Variants in COL5A1 observed in about 807,000 individuals in gnomAD.
The protein encoded by COL5A1 is collagen type V alpha 1 chain, also known as collagen alpha-1(V) chain.
COL5A1 carries 16 observed loss-of-function variants against 263.7 expected under a neutral mutation model. That is an observed-to-expected ratio of 0.06 (90% CI 0.04 to 0.09). The LOEUF (loss-of-function observed/expected upper bound fraction) is 0.09, where lower values mean the gene tolerates loss of function less well. Among genes scored for constraint, COL5A1 ranks in the 10% least tolerant of loss-of-function variants. COL5A1 has a pLI of 1.00. For synonymous variants in COL5A1, 1,012 were observed against 1,004.5 expected, an observed-to-expected ratio of 1.01 and a Z score of -0.14; for missense variants, 2,036 against 2,540.5, an observed-to-expected ratio of 0.80 and a Z score of 4.27.
chr9:134,840,145 C>T (rs767668740), intron 65 of COL5A1, among the ~76,000 whole-genome samples: 14 of 152,256 alleles, frequency 9.2e-5, no homozygotes, highest in Non-Finnish European at 1.6e-4. Context: ...CCCAGCCAGA[C>T]GGAGTCAGCC....
In COL5A1 at chr9:134,686,361, C is replaced by T. The variant is rs1486821536; in HGVS notation, c.110-4551C>T. Among the ~76,000 whole-genome samples, 1 of 152,130 alleles carries T rather than the reference C, an allele frequency of 6.6e-6. No individual in the cohort carries two copies. Among genetic ancestry groups the T allele is most frequent in the African/African-American group, 2.4e-5 (1 of 41,418 alleles). On this transcript the variant is annotated intron_variant, in intron 1 of 65. Coordinates refer to ENST00000371817, the MANE Select transcript of COL5A1 (RefSeq NM_000093.5). The surrounding 1 kb of genome is among the most constrained non-coding windows in gnomAD (Gnocchi z 4.6). The stretch of plus-strand genomic sequence containing the variant: ...CTCCACCACCCAGGGTCAAACGAGC[C>T]TCACACCTCAGCCCCTCAGTAGCTG...
Position 134,789,064 on chromosome 9 carries a change from C to A in COL5A1, c.2647-91C>A, listed in dbSNP as rs1837577442. 1 of 1,119,332 alleles carries A rather than the reference C, an allele frequency of 8.9e-7. No individual in the cohort carries two copies. Among genetic ancestry groups the A allele is most frequent in the Admixed American group, 1.8e-5 (1 of 54,120 alleles). 69.3% of individuals were successfully genotyped at this position (1,119,332 alleles called of 1,614,324 possible). A position where few individuals can be genotyped will look rare whatever the true frequency, so the allele number is the denominator to read the frequency against. On this transcript the variant is annotated intron_variant, in intron 31 of 65. Transcript: ENST00000371817. The surrounding 1 kb of genome is among the most constrained non-coding windows in gnomAD (Gnocchi z 4.8). Reference sequence around the variant, plus strand: ...GGTGGAGTCTGGGGCAGAGGCTGTGCACTGGCATGCAGGTGGTCCCCCAGG... The same window carrying A: ...GGTGGAGTCTGGGGCAGAGGCTGTGAACTGGCATGCAGGTGGTCCCCCAGG...
At chr9:134,808,954 T>C (rs1479722899) in intron 42 of COL5A1, 1 of 592,630 alleles carries the variant, frequency 1.7e-6, no homozygotes, top group East Asian at 2.8e-5. Context: ...CAGCCTTTCC[T>C]AGGATGAGTG....
rs535186026 is a variant in COL5A1, at chr9:134,820,470, C to G, written c.4554+247C>G. On this transcript the variant is annotated intron_variant, in intron 58 of 65. Coordinates refer to ENST00000371817, the MANE Select transcript of COL5A1 (RefSeq NM_000093.5). ...GCAGGCGGGGCTTCCTCCTCATGAC[C>G]GTGGTGTCCCCCAGAGCTGGAGGGA... Among the ~76,000 whole-genome samples, 467 of 152,298 alleles carry G rather than the reference C, an allele frequency of 3.1e-3. 6 individuals are homozygous for G. The highest frequency in any genetic ancestry group is 0.011 in the African/African-American group (457 of 41,568).
intron 4 of COL5A1, among the ~76,000 whole-genome samples, chr9:134,721,330 A>G (rs1024269918): frequency 6.8e-6 from 1 of 147,168 alleles, no homozygotes; most frequent in African/African-American, 2.5e-5. Context: ...CCACCCTGTA[A>G]CCTCCCCATA....
At chr9:134,759,977 ACACATG>A (rs1836246621) in intron 18 of COL5A1, among the ~76,000 whole-genome samples, 1 of 112,456 alleles carries the variant, frequency 8.9e-6, no homozygotes, top group Non-Finnish European at 1.7e-5. Flanking sequence ...ACACATGCAC[ACACATG>A]CACACCCACA....
Position 134,641,957 on chromosome 9 carries a change from C to T in COL5A1, c.-231C>T, listed in dbSNP as rs1831301736. ...AGGGCGAGCTAGCCCAGCGGGGTCCCGGCCGCCCCGCGGGCCAAAGTCGAG... is the reference window on the plus strand; with the variant it reads ...AGGGCGAGCTAGCCCAGCGGGGTCCTGGCCGCCCCGCGGGCCAAAGTCGAG... On this transcript the variant is annotated 5_prime_UTR_variant, in exon 1 of 66. Transcript: ENST00000371817. The T allele has an allele frequency of 5.1e-6, 2 of 393,652 alleles. No homozygotes were observed. The highest frequency in any genetic ancestry group is 3.6e-5 in the East Asian group (1 of 27,490). The allele number at this position is 393,652 out of a possible 1,614,324, so 24.4% of individuals were successfully genotyped here.
intron 1 of COL5A1, among the ~76,000 whole-genome samples, chr9:134,643,230 G>C (rs1831362278): frequency 6.6e-6 from 1 of 152,014 alleles, no homozygotes; most frequent in African/African-American, 2.4e-5. Flanking sequence ...TGGCGGGGTG[G>C]GTTTTCACAG....
intron 18 of COL5A1, among the ~76,000 whole-genome samples, chr9:134,759,711 C>A (rs1368641062): frequency 1.0e-5 from 1 of 99,966 alleles, no homozygotes. Flanking sequence ...CACATGCACA[C>A]ACCCCCCCAC....
At chr9:134,808,662 G>A (rs1021728083) in intron 42 of COL5A1, among the ~76,000 whole-genome samples, 1 of 152,190 alleles carries the variant, frequency 6.6e-6, no homozygotes, top group Non-Finnish European at 1.5e-5. Flanking sequence ...GTGTACATAG[G>A]CGTGTTCACA....
intron 8 of COL5A1, 108 bp from the exon 9 acceptor site, chr9:134,731,963 A>G: frequency 1.5e-6 from 2 of 1,292,688 alleles, no homozygotes; most frequent in East Asian, 2.3e-5. Context: ...ATGCCCAGCT[A>G]CGATAGTGCC....
chr9:134,721,744 C>T (rs1392500669), intron 4 of COL5A1, among the ~76,000 whole-genome samples: 1 of 152,234 alleles, frequency 6.6e-6, no homozygotes, highest in South Asian at 2.1e-4. Flanking sequence ...GGGGCTGGCC[C>T]GTGGGAGGTT....
At chr9:134,822,874 ACT>A in intron 59 of COL5A1, 122 bp from the exon 60 acceptor site, 2 of 1,085,530 alleles carry the variant, frequency 1.8e-6, no homozygotes, top group Admixed American at 3.7e-5. Flanking sequence ...ACAAGCATAG[ACT>A]CTTGAGGGGG....
rs1833071781 is a variant in COL5A1 at position 134,686,073 on chromosome 9, T to TCTGTGGACGG, written c.110-4838_110-4837insTGTGGACGGC. The stretch of plus-strand genomic sequence containing the variant: ...TATCCACTATCCATCCATTCATCCG[T>TCTGTGGACGG]CCATCCTGCATGTCTGTGTTGAGCT... On this transcript the variant is annotated intron_variant, in intron 1 of 65. Transcript: ENST00000371817. This position sits in a 1 kb window ranked among gnomAD's most constrained non-coding sequence, Gnocchi z 4.6. 6.6e-6 allele frequency among the ~76,000 whole-genome samples: 1 copy of TCTGTGGACGG among 152,240 alleles called. No individual in the cohort carries two copies. The highest frequency in any genetic ancestry group is 1.9e-4 in the East Asian group (1 of 5,200).
intron 34 of COL5A1, among the ~76,000 whole-genome samples, chr9:134,795,627 C>T (rs550677137): frequency 6.6e-6 from 1 of 152,318 alleles, no homozygotes; most frequent in African/African-American, 2.4e-5. Context: ...ACTCACCCGC[C>T]CTGGTCGGGA....
chr9:134,754,033 C>G lies in COL5A1; in HGVS notation c.1773+130C>G, dbSNP rs78092926. 3.3e-6 allele frequency: 3 copies of G among 910,630 alleles called. No homozygotes were observed. The African/African-American group carries it at 4.9e-5, about 15-fold the overall frequency. The allele number at this position is 910,630 out of a possible 1,614,324, so 56.4% of individuals were successfully genotyped here. A position where few individuals can be genotyped will look rare whatever the true frequency, so the allele number is the denominator to read the frequency against. ...ATTCGTGGGAATTGTCCTTGCTTTA[C>G]GCAGTGCTGAGGGTGGAGCACAATG... On this transcript the variant is annotated intron_variant, in intron 15 of 65. Transcript: ENST00000371817. This position sits in a 1 kb window ranked among gnomAD's most constrained non-coding sequence, Gnocchi z 4.3.
intron 32 of COL5A1, among the ~76,000 whole-genome samples, chr9:134,790,349 C>T (rs1400693833): frequency 3.0e-5 from 4 of 132,848 alleles, no homozygotes; most frequent in East Asian, 2.6e-4. Context: ...CACCCACCCA[C>T]CAACCCATCC....
In COL5A1 at chr9:134,841,786, G is replaced by T. The variant is rs1401159897; in HGVS notation, c.5371-371G>T. Among the ~76,000 whole-genome samples the T allele has an allele frequency of 6.6e-6, 1 of 152,130 alleles. No homozygotes were observed. Reference sequence around the variant, plus strand: ...GTAGCTGGCCCTGGGTCCTGGGGAGGCTGCCTGGAAGTGAATACCTGGGGC... The same window carrying T: ...GTAGCTGGCCCTGGGTCCTGGGGAGTCTGCCTGGAAGTGAATACCTGGGGC... On this transcript the variant is annotated intron_variant, in intron 65 of 65. Transcript: ENST00000371817. The surrounding 1 kb of genome is among the most constrained non-coding windows in gnomAD (Gnocchi z 4.8).
Position 134,652,781 on chromosome 9 carries a change from T to A in COL5A1, c.109+10485T>A. Reference sequence around the variant, plus strand: ...CTTAGGCCGGGTCCAGCGTTTCTCCTCATGGTGTAGACCAGCAGTTCCCAA... The same window carrying A: ...CTTAGGCCGGGTCCAGCGTTTCTCCACATGGTGTAGACCAGCAGTTCCCAA... On this transcript the variant is annotated intron_variant, in intron 1 of 65. Coordinates refer to ENST00000371817, the MANE Select transcript of COL5A1 (RefSeq NM_000093.5). This position sits in a 1 kb window ranked among gnomAD's most constrained non-coding sequence, Gnocchi z 4.4. 5 of 469,964 alleles carry A rather than the reference T, an allele frequency of 1.1e-5. No homozygotes were observed. The highest frequency in any genetic ancestry group is 7.8e-5 in the South Asian group (5 of 64,434). 29.1% of individuals were successfully genotyped at this position (469,964 alleles called of 1,614,324 possible).
Sources: gnomAD v4.1 joint callset for allele counts (sites outside exome capture counted in the v4.1 genomes callset) on GRCh38, gnomAD v4.1.1 for gene constraint, Gnocchi (gnomAD v3.1) non-coding constraint, MANE v1.5 for transcripts, NCBI Gene and HGNC (gene_info 2026-07-23, HGNC 2026-07-21) for gene names.